The following HORMAD2 variants were observed in gnomAD, a reference collection of about 807,000 sequenced individuals.
The protein encoded by HORMAD2 is HORMA domain-containing protein 2.
In HORMAD2, 45 loss-of-function variants were observed where a neutral mutation model predicts 38.8. The ratio of observed to expected loss-of-function variants is 1.16; its 90% CI spans 0.91 to 1.49. The LOEUF is 1.49. HORMAD2 is among the 40% of genes most tolerant of loss of function. The probability of loss-of-function intolerance (pLI) is 0.00; values close to 1 mark genes in which losing one functional copy is unlikely to be tolerated. For synonymous variants in HORMAD2, 126 were observed against 122.8 expected (o/e 1.03, Z -0.17); for missense variants, 338 against 367.0 (o/e 0.92, Z 0.65).
chr22:30,129,217 C>CAAAAAAAAAAAAAAAA (rs750796623), intron 10 of HORMAD2, among the ~76,000 whole-genome samples: 1 of 22,650 alleles, frequency 4.4e-5, no homozygotes, highest in Non-Finnish European at 8.6e-5. Flanking sequence ...GACTCTATCT[C>CAAAAAAAAAAAAAAAA]AAAAAAAAAA....
chr22:30,135,902 A>G (rs893154792), intron 10 of HORMAD2, among the ~76,000 whole-genome samples: 21 of 152,228 alleles, frequency 1.4e-4, no homozygotes, highest in African/African-American at 5.1e-4. Context: ...TCAGAATCTA[A>G]TAAAAGTTTC....
chr22:30,099,029 A>G, intron 3 of HORMAD2, 36 bp downstream of exon 3: 2 of 1,565,592 alleles, frequency 1.3e-6, no homozygotes, highest in Non-Finnish European at 1.7e-6. Flanking sequence ...TGGCTGTTGT[A>G]GCCCCTTTCT....
At chr22:30,103,901 C>G (rs897081665) in intron 4 of HORMAD2, among the ~76,000 whole-genome samples, 3 of 151,540 alleles carry the variant, frequency 2.0e-5, no homozygotes, top group Admixed American at 1.3e-4. Flanking sequence ...ACCTCATGAT[C>G]CAACCACCTT....
In HORMAD2 at chr22:30,122,035, G is replaced by A. The variant is rs1394806064; in HGVS notation, c.640G>A (p.Glu214Lys). The A allele has an allele frequency of 1.9e-6, 3 of 1,613,148 alleles. No individual in the cohort carries two copies. Among genetic ancestry groups the A allele is most frequent in the Non-Finnish European group, 2.5e-6 (3 of 1,179,630 alleles). ...VNSHFLLFDK[E>K]PINVQVGFVS... Reference sequence around the variant, plus strand: ...TTCACACTTCCTGCTGTTTGACAAGGAGCCTATCAACGTGCAAGTGGGATT... The same window carrying A: ...TTCACACTTCCTGCTGTTTGACAAGAAGCCTATCAACGTGCAAGTGGGATT... Residue 214 changes from glutamate (E) to lysine (K), a missense_variant, in exon 10 of 11, where the codon GAG becomes AAG. Transcript: ENST00000336726.
intron 10 of HORMAD2, among the ~76,000 whole-genome samples, chr22:30,142,236 T>G (rs1271876808): frequency 6.6e-6 from 1 of 152,110 alleles, no homozygotes; most frequent in Admixed American, 6.5e-5. Context: ...CTGTGATCAC[T>G]CCACTGCACT....
chr22:30,116,854 T>C (rs1357412009), intron 7 of HORMAD2, among the ~76,000 whole-genome samples: 4 of 152,172 alleles, frequency 2.6e-5, no homozygotes, highest in Non-Finnish European at 2.9e-5. Context: ...CTAGAGTTGA[T>C]TGAGAAACAT....
chr22:30,192,420 T>G, the HORMAD2 span, among the ~76,000 whole-genome samples: 1 of 151,642 alleles, frequency 6.6e-6, no homozygotes. Flanking sequence ...AACAGAGGAG[T>G]GACTGCTCAG....
chr22:30,111,274 TC>T (rs1921630389), intron 5 of HORMAD2, among the ~76,000 whole-genome samples: 2 of 151,602 alleles, frequency 1.3e-5, no homozygotes, highest in South Asian at 4.2e-4. Context: ...TCACTTGAGG[TC>T]AGGAGTTCAC....
At chr22:30,188,228 A>G in the HORMAD2 span, among the ~76,000 whole-genome samples, 1 of 152,230 alleles carries the variant, frequency 6.6e-6, no homozygotes, top group East Asian at 1.9e-4. Flanking sequence ...GGTAAACAGC[A>G]TAGATATGTG....
chr22:30,136,375 G>A (rs1232080196), intron 10 of HORMAD2, among the ~76,000 whole-genome samples: 1 of 151,916 alleles, frequency 6.6e-6, no homozygotes, highest in Non-Finnish European at 1.5e-5. Context: ...TAGTCACAGA[G>A]ATTTGCAACC....
chr22:30,125,216 CTTTTT>C (rs1167990121), intron 10 of HORMAD2, among the ~76,000 whole-genome samples: 1,426 of 43,358 alleles, frequency 0.033, 21 homozygotes, highest in African/African-American at 0.14. Context: ...TTTTTCTTTT[CTTTTT>C]TTTTTTTTTT....
At chr22:30,143,501 C>T (rs958205828) in intron 10 of HORMAD2, among the ~76,000 whole-genome samples, 1 of 152,048 alleles carries the variant, frequency 6.6e-6, no homozygotes, top group South Asian at 2.1e-4. Context: ...GTCTTACTAC[C>T]TCACTGGCCC....
At chr22:30,079,968 C>T (rs531189482), upstream of HORMAD2, among the ~76,000 whole-genome samples, 1 of 152,230 alleles carries the variant, frequency 6.6e-6, no homozygotes, top group Admixed American at 6.5e-5. Context: ...GTGGAGCCAC[C>T]GCGCCGCACT....
chr22:30,104,646 A>G (rs770788704), intron 5 of HORMAD2: 3 of 425,402 alleles, frequency 7.1e-6, no homozygotes, highest in Non-Finnish European at 1.2e-5. Context: ...TCTCTTTTAC[A>G]TACTCACATT....
chr22:30,099,071 A>G (rs777114897), intron 3 of HORMAD2, 78 bp downstream of exon 3: 29 of 1,291,192 alleles, frequency 2.2e-5, no homozygotes, highest in South Asian at 3.4e-5. Context: ...TTCACGTCTC[A>G]CAAAGTGTGC....
Position 30,103,649 on chromosome 22 carries a change from ATTTTTTTTTTTTTT to A in HORMAD2, c.257+167_257+180del, listed in dbSNP as rs71198524. ...CTTTCTTTTTCTTTTTCTGTTTTTG[ATTTTTTTTTTTTTT>A]TTTTTTTTTTTTTTTTTGAGATGGA... On this transcript the variant is annotated intron_variant, in intron 4 of 10. Coordinates refer to ENST00000336726, the MANE Select transcript of HORMAD2 (RefSeq NM_152510.4). The A allele has an allele frequency of 1.0e-3, 75 of 75,306 alleles. No homozygotes were observed. The East Asian group carries it at 0.011, about 11-fold the overall frequency. The allele number at this position is 75,306 out of a possible 1,614,324, so 4.7% of individuals were successfully genotyped here. A position where few individuals can be genotyped will look rare whatever the true frequency, so the allele number is the denominator to read the frequency against.
intron 1 of HORMAD2, among the ~76,000 whole-genome samples, chr22:30,090,461 T>A (rs1025094460): frequency 6.6e-6 from 1 of 152,232 alleles, no homozygotes; most frequent in African/African-American, 2.4e-5. Flanking sequence ...ACATTCGAAC[T>A]GTTTCCATCT....
chr22:30,196,836 A>T, the HORMAD2 span, among the ~76,000 whole-genome samples: 19 of 152,354 alleles, frequency 1.2e-4, no homozygotes, highest in East Asian at 3.7e-3. Flanking sequence ...ACAGCCTGAC[A>T]TGAAATTGCT....
intron 2 of HORMAD2, among the ~76,000 whole-genome samples, chr22:30,094,392 T>C (rs2068745700): frequency 6.6e-6 from 1 of 152,182 alleles, no homozygotes; most frequent in Non-Finnish European, 1.5e-5. Flanking sequence ...TGAGAGAAAC[T>C]TGGATGCTAG....
Sources: allele counts gnomAD v4.1 joint callset (sites outside exome capture counted in the v4.1 genomes callset), GRCh38; gene constraint gnomAD v4.1.1; transcripts MANE v1.5; gene names NCBI Gene and HGNC (gene_info 2026-07-23, HGNC 2026-07-21).